Variants in SGTB observed in about 807,000 individuals in gnomAD.
SGTB encodes the protein small glutamine rich tetratricopeptide repeat co-chaperone beta.
A neutral mutation model predicts 43.9 loss-of-function variants in SGTB; 19 were observed. That is an observed-to-expected ratio of 0.43 (90% CI 0.30 to 0.63). The LOEUF is 0.63. SGTB is among the 30% of genes least tolerant of loss of function. The pLI is 0.12. For synonymous variants in SGTB, 116 were observed against 117.3 expected (o/e 0.99, Z 0.07); for missense variants, 304 against 358.9 (o/e 0.85, Z 1.24).
At chr5:65,713,112 G>T in intron 2 of SGTB, 48 bp from the exon 3 acceptor site, 1 of 1,396,526 alleles carries the variant, frequency 7.2e-7, no homozygotes, top group Non-Finnish European at 9.7e-7. Context: ...TTTTAAAAAA[G>T]AAACAAGTTT....
chr5:65,704,048 A>AAAAAAT lies in SGTB; in HGVS notation c.374+230_374+231insATTTTT, dbSNP rs1350935762. ...GAGACTCCGTCTCAAAAAAAAAAAA[A>AAAAAAT]AAAATAAATAAATAAATAAATAAAT... On this transcript the variant is annotated intron_variant, in intron 5 of 10. Transcript: ENST00000381007. 7.4e-5 allele frequency among the ~76,000 whole-genome samples: 11 copies of AAAAAAT among 149,118 alleles called. No individual in the cohort carries two copies. In the East Asian group the frequency reaches 2.2e-3, roughly 30 times the overall value.
At chr5:65,714,658 A>C (rs1758114205) in intron 2 of SGTB, among the ~76,000 whole-genome samples, 1 of 152,112 alleles carries the variant, frequency 6.6e-6, no homozygotes, top group African/African-American at 2.4e-5. Flanking sequence ...CCGCTAAAAA[A>C]GTAAAAATTA....
In SGTB at chr5:65,667,270, A is replaced by G. The variant is rs570905499; in HGVS notation, c.*2976T>C. The stretch of plus-strand genomic sequence containing the variant: ...TAGTGTATTCCCTTTCATTTCTGAC[A>G]CTGAATTTGTATCTTCTGTTTTTCT... On this transcript the variant is annotated 3_prime_UTR_variant, in exon 11 of 11. Coordinates refer to ENST00000381007, the MANE Select transcript of SGTB (RefSeq NM_019072.3). 2 of 152,228 alleles carry G rather than the reference A, an allele frequency of 1.3e-5. No homozygotes were observed. Among genetic ancestry groups the G allele is most frequent in the East Asian group, 3.9e-4 (2 of 5,186 alleles). 9.4% of individuals were successfully genotyped at this position (152,228 alleles called of 1,614,324 possible).
At chr5:65,705,267 A>AC (rs397716523) in intron 4 of SGTB, among the ~76,000 whole-genome samples, 45,732 of 151,382 alleles carry the variant, frequency 0.3, 7,241 homozygotes, top group Non-Finnish European at 0.33. Flanking sequence ...ATATAGTGGG[A>AC]CCCCCCCTCA....
At chr5:65,689,752 G>A (rs1275582852) in intron 5 of SGTB, among the ~76,000 whole-genome samples, 2 of 152,092 alleles carry the variant, frequency 1.3e-5, no homozygotes, top group African/African-American at 2.4e-5. Context: ...GGAGTGGGAG[G>A]AGAAGTCTGG....
At chr5:65,691,737 G>A (rs936592755) in intron 5 of SGTB, among the ~76,000 whole-genome samples, 2 of 151,250 alleles carry the variant, frequency 1.3e-5, no homozygotes, top group Non-Finnish European at 3.0e-5. Flanking sequence ...TCAGGAGATC[G>A]AGACCATCCT....
chr5:65,670,055 TTG>T lies in SGTB; in HGVS notation c.*189_*190del. 2.0e-6 allele frequency: 1 copy of T among 512,256 alleles called. No individual in the cohort carries two copies. 31.7% of individuals were successfully genotyped at this position (512,256 alleles called of 1,614,324 possible). A position where few individuals can be genotyped will look rare whatever the true frequency, so the allele number is the denominator to read the frequency against. On this transcript the variant is annotated 3_prime_UTR_variant, in exon 11 of 11. Transcript: ENST00000381007. Reference sequence around the variant, plus strand: ...AAAGGAGTCATGTTATGTTTTGAGTTTGTTTGTGATAAACCTATTGTCTAAAC... The same window carrying T: ...AAAGGAGTCATGTTATGTTTTGAGTTTTTGTGATAAACCTATTGTCTAAAC...
chr5:65,679,106 G>C (rs895992532), intron 8 of SGTB, among the ~76,000 whole-genome samples: 1 of 152,014 alleles, frequency 6.6e-6, no homozygotes, highest in African/African-American at 2.4e-5. Flanking sequence ...TCTGACAAAG[G>C]TCTAATATCC....
At chr5:65,696,261 GCTCT>G (rs1252928829) in intron 5 of SGTB, among the ~76,000 whole-genome samples, 1 of 151,910 alleles carries the variant, frequency 6.6e-6, no homozygotes, top group African/African-American at 2.4e-5. Flanking sequence ...CCTGCATCAT[GCTCT>G]CTCTCTCTCC....
At chr5:65,674,207 G>GA (rs1738592674) in intron 8 of SGTB, among the ~76,000 whole-genome samples, 1 of 244 alleles carries the variant, frequency 4.1e-3, no homozygotes, top group Non-Finnish European at 7.8e-3. Context: ...CCTTTCCCTA[G>GA]GCCCTGGAGA....
At position 65,680,622 on chromosome 5, in the gene SGTB, A is replaced by G. The variant is rs139592451; in HGVS notation, c.618+34T>C. On this transcript the variant is annotated intron_variant, in intron 7 of 10. Transcript: ENST00000381007. ...AATTACAATAAATTGTGAATGACAG[A>G]AAATACTTCACTCATTTGGCATTAA... is the stretch of plus-strand genomic sequence containing the variant. The G allele has an allele frequency of 2.0e-4, 317 of 1,613,936 alleles. No homozygotes were observed. In the African/African-American group the frequency reaches 3.2e-3, roughly 16 times the overall value.
intron 2 of SGTB, 92 bp from the exon 3 acceptor site, chr5:65,713,156 T>G (rs1027718925): frequency 1.0e-5 from 9 of 870,422 alleles, no homozygotes; most frequent in African/African-American, 1.7e-5. Context: ...GTATGGAAAT[T>G]CAGTATTTAT....
intron 8 of SGTB, among the ~76,000 whole-genome samples, chr5:65,675,351 T>C (rs1159634244): frequency 6.6e-6 from 1 of 152,192 alleles, no homozygotes; most frequent in Non-Finnish European, 1.5e-5. Context: ...AAACTGCAGA[T>C]GTTAGATATC....
chr5:65,717,241 G>A (rs138723368), intron 2 of SGTB, among the ~76,000 whole-genome samples: 2 of 152,196 alleles, frequency 1.3e-5, no homozygotes, highest in Non-Finnish European at 2.9e-5. Flanking sequence ...AGAGGAGTTG[G>A]AGAAAGCAAG....
chr5:65,680,781 C>A lies in SGTB; in HGVS notation c.493G>T (p.Ala165Ser). ...AYGRMGLALT[A>S]LNKFEEAVTS... ...ACTGCTTCTTCAAATTTATTCAAGG[C>A]AGTGAGGGCCAGCCTGAAGGGAATA... is the stretch of plus-strand genomic sequence containing the variant. Residue 165 changes from alanine to serine, a missense_variant, in exon 7 of 11, where the codon GCC becomes TCC. Coordinates refer to ENST00000381007, the MANE Select transcript of SGTB (RefSeq NM_019072.3). 2.5e-6 allele frequency: 4 copies of A among 1,613,296 alleles called. No individual in the cohort carries two copies. Among genetic ancestry groups the A allele is most frequent in the Non-Finnish European group, 3.4e-6 (4 of 1,179,930 alleles).
chr5:65,721,721 G>C (rs1048639344), intron 1 of SGTB, among the ~76,000 whole-genome samples, 196 bp downstream of exon 1: 43 of 152,256 alleles, frequency 2.8e-4, no homozygotes, highest in South Asian at 6.2e-4. Flanking sequence ...AAACAGAATG[G>C]GGGGAAAAGG....
chr5:65,671,247 T>TTA (rs915289135), intron 10 of SGTB, among the ~76,000 whole-genome samples: 1 of 152,034 alleles, frequency 6.6e-6, no homozygotes. Context: ...ATTAATAGCT[T>TTA]TATATATATA....
At chr5:65,670,848 C>A (rs1349703206) in intron 10 of SGTB, among the ~76,000 whole-genome samples, 1 of 152,126 alleles carries the variant, frequency 6.6e-6, no homozygotes, top group Middle Eastern at 3.2e-3. Context: ...AAAGGTCATT[C>A]TAAAAATGCA....
chr5:65,678,139 T>C (rs1284845356), intron 8 of SGTB, among the ~76,000 whole-genome samples: 1 of 152,208 alleles, frequency 6.6e-6, no homozygotes. Flanking sequence ...GATAAGCAAC[T>C]TCAGCACAGT....
Sources: gnomAD v4.1 joint callset for allele counts (sites outside exome capture counted in the v4.1 genomes callset) on GRCh38, gnomAD v4.1.1 for gene constraint, MANE v1.5 for transcripts, NCBI Gene and HGNC (gene_info 2026-07-23, HGNC 2026-07-21) for gene names.